Variants in ILKAP observed in about 807,000 individuals in gnomAD.
ILKAP encodes ILK associated serine/threonine phosphatase.
Under a neutral mutation model 49.1 loss-of-function variants are expected in ILKAP, and 11 were observed. The ratio of observed to expected loss-of-function variants is 0.22; its 90% CI spans 0.14 to 0.37. ILKAP has a LOEUF of 0.37. ILKAP is among the 10% of genes least tolerant of loss of function. The pLI is 1.00. For synonymous variants in ILKAP, 186 were observed against 192.8 expected (o/e 0.96, Z 0.29); for missense variants, 363 against 510.8 (o/e 0.71, Z 2.79).
rs1265173573 is a variant in ILKAP, at chr2:238,182,190, G to A, written c.715-4C>T. On this transcript the variant is annotated splice_region_variant and splice_polypyrimidine_tract_variant and intron_variant, in intron 8 of 11. Coordinates refer to ENST00000254654, the MANE Select transcript of ILKAP (RefSeq NM_030768.3). ...CATTATAACGACACAAGATTGCCTG[G>A]GAAGATGGAGATTGTAATAGTCATG... 1.9e-6 allele frequency: 3 copies of A among 1,613,168 alleles called. No individual in the cohort carries two copies. The highest frequency in any genetic ancestry group is 2.5e-6 in the Non-Finnish European group (3 of 1,179,324).
At chr2:238,203,477 G>A in intron 1 of ILKAP, 22 bp downstream of exon 1, 3 of 1,237,414 alleles carry the variant, frequency 2.4e-6, no homozygotes, top group Non-Finnish European at 3.1e-6. Flanking sequence ...TCCCTGGCCG[G>A]CCCGGCGGCA....
intron 1 of ILKAP, among the ~76,000 whole-genome samples, chr2:238,198,607 C>A (rs569486595): frequency 1.3e-5 from 2 of 152,160 alleles, no homozygotes; most frequent in Non-Finnish European, 2.9e-5. Flanking sequence ...CAAAGTGTGA[C>A]CCTGACCTAA....
intron 1 of ILKAP, among the ~76,000 whole-genome samples, chr2:238,199,114 T>C (rs1167473765): frequency 2.6e-5 from 4 of 152,108 alleles, no homozygotes; most frequent in Non-Finnish European, 5.9e-5. Flanking sequence ...ACATAACCCA[T>C]CAAGGCATGC....
At chr2:238,193,594 G>A (rs1694230853) in intron 3 of ILKAP, among the ~76,000 whole-genome samples, 1 of 152,224 alleles carries the variant, frequency 6.6e-6, no homozygotes, top group Non-Finnish European at 1.5e-5. Context: ...CTGTGAGTGT[G>A]AGGATGCTGC....
intron 1 of ILKAP, 30 bp from the exon 2 acceptor site, chr2:238,194,900 A>T (rs1694282082): frequency 6.5e-7 from 1 of 1,537,218 alleles, no homozygotes. Flanking sequence ...TTTAGAGAGC[A>T]TATGGTCATC....
chr2:238,199,692 T>G (rs1427812169), intron 1 of ILKAP, among the ~76,000 whole-genome samples: 1 of 152,218 alleles, frequency 6.6e-6, no homozygotes, highest in Non-Finnish European at 1.5e-5. Flanking sequence ...CAAATTCACT[T>G]TTTTATGACT....
intron 9 of ILKAP, among the ~76,000 whole-genome samples, chr2:238,180,590 G>T (rs1188454609): frequency 6.6e-6 from 1 of 152,074 alleles, no homozygotes; most frequent in African/African-American, 2.4e-5. Context: ...AGCCAGCCCT[G>T]GCCTCAGGCA....
At chr2:238,190,868 G>A (rs1020919925) in intron 3 of ILKAP, among the ~76,000 whole-genome samples, 2 of 93,958 alleles carry the variant, frequency 2.1e-5, no homozygotes, top group African/African-American at 4.2e-5. Flanking sequence ...GTAGTAAGAC[G>A]TTTCTCTTTA....
In ILKAP at chr2:238,170,540, T is replaced by C. The variant is rs140920201; in HGVS notation, c.1175A>G (p.His392Arg). 1.3e-6 allele frequency: 2 copies of C among 1,597,502 alleles called. No individual in the cohort carries two copies. Among genetic ancestry groups the C allele is most frequent in the Non-Finnish European group, 8.6e-7 (1 of 1,167,848 alleles). ...NVTVMVVRIG[H>R] ...CTCCTGGCCGCGCGCCACCCCTCAGTGCCCTATCCGCACCACCATCACAGT... is the reference window on the plus strand; with the variant it reads ...CTCCTGGCCGCGCGCCACCCCTCAGCGCCCTATCCGCACCACCATCACAGT... Residue 392 changes from histidine to arginine, a missense_variant, in exon 12 of 12, where the codon CAC becomes CGC. His to Arg is a conservative substitution (Grantham distance 29, BLOSUM62 0). Transcript: ENST00000254654.
intron 9 of ILKAP, among the ~76,000 whole-genome samples, chr2:238,179,033 G>A (rs941463225): frequency 3.9e-5 from 6 of 152,076 alleles, no homozygotes; most frequent in African/African-American, 7.2e-5. Flanking sequence ...GAACTCCTAG[G>A]CTCAAGAGAT....
intron 1 of ILKAP, among the ~76,000 whole-genome samples, chr2:238,200,756 G>A (rs920802818): frequency 6.6e-5 from 10 of 152,220 alleles, no homozygotes; most frequent in Non-Finnish European, 1.3e-4. Context: ...CACGGAGGTC[G>A]AGACTGCAGT....
intron 2 of ILKAP, 68 bp downstream of exon 2, chr2:238,194,737 T>C (rs892371629): frequency 4.8e-6 from 7 of 1,460,740 alleles, no homozygotes; most frequent in Non-Finnish European, 6.7e-6. Flanking sequence ...GGAAAAAGAT[T>C]GAGACAACTA....
intron 9 of ILKAP, 88 bp from the exon 10 acceptor site, chr2:238,173,741 G>A: frequency 7.0e-7 from 1 of 1,419,278 alleles, no homozygotes. Context: ...GCAGAGAATG[G>A]AAGTGTGAAA....
intron 1 of ILKAP, among the ~76,000 whole-genome samples, chr2:238,200,292 A>G (rs1189373165): frequency 6.6e-6 from 1 of 152,196 alleles, no homozygotes; most frequent in African/African-American, 2.4e-5. Flanking sequence ...GAAAACTACT[A>G]ATTTAGCAAA....
At chr2:238,192,891 T>C (rs1694197451) in intron 3 of ILKAP, among the ~76,000 whole-genome samples, 1 of 151,650 alleles carries the variant, frequency 6.6e-6, no homozygotes, top group Admixed American at 6.6e-5. Flanking sequence ...CACACGCCTG[T>C]AGTCCCAACT....
At chr2:238,200,686 GTGGT>G (rs1694531727) in intron 1 of ILKAP, among the ~76,000 whole-genome samples, 2 of 152,148 alleles carry the variant, frequency 1.3e-5, no homozygotes, top group Admixed American at 6.5e-5. Flanking sequence ...GCTGGCTGTG[GTGGT>G]GCGCACCTGT....
intron 1 of ILKAP, among the ~76,000 whole-genome samples, chr2:238,198,048 T>C (rs1415929659): frequency 6.6e-6 from 1 of 152,056 alleles, no homozygotes; most frequent in African/African-American, 2.4e-5. Context: ...TCCAGAAACT[T>C]CATAAACATC....
At chr2:238,184,686 G>A (rs1424751558) in intron 6 of ILKAP, among the ~76,000 whole-genome samples, 2 of 151,226 alleles carry the variant, frequency 1.3e-5, no homozygotes, top group Admixed American at 1.3e-4. Context: ...ACAGCCTCCT[G>A]AGCAGCTGGG....
intron 3 of ILKAP, among the ~76,000 whole-genome samples, chr2:238,190,528 A>G (rs949314974): frequency 1.3e-5 from 2 of 152,226 alleles, no homozygotes; most frequent in Non-Finnish European, 2.9e-5. Flanking sequence ...TGAAATGAGA[A>G]AAGTCAAGTT....
Sources: gnomAD v4.1 joint callset for allele counts (sites outside exome capture counted in the v4.1 genomes callset) on GRCh38, gnomAD v4.1.1 for gene constraint, MANE v1.5 for transcripts, NCBI Gene and HGNC (gene_info 2026-07-23, HGNC 2026-07-21) for gene names.